The following DOCK3 variants were observed in gnomAD, a reference collection of about 807,000 sequenced individuals.
DOCK3 encodes dedicator of cytokinesis protein 3.
Under a neutral mutation model 265.6 loss-of-function variants are expected in DOCK3, and 60 were observed. The ratio of observed to expected loss-of-function variants is 0.23; its 90% CI spans 0.18 to 0.28. DOCK3 has a LOEUF of 0.28. Among genes scored for constraint, DOCK3 ranks in the 10% least tolerant of loss-of-function variants. DOCK3 has a pLI of 1.00. For synonymous variants in DOCK3, 881 were observed against 938.0 expected, an observed-to-expected ratio of 0.94 and a Z score of 1.11; for missense variants, 1,981 against 2,594.3, an observed-to-expected ratio of 0.76 and a Z score of 5.14.
At chr3:50,954,194 A>G (rs1250215178) in intron 5 of DOCK3, among the ~76,000 whole-genome samples, 1 of 152,174 alleles carries the variant, frequency 6.6e-6, no homozygotes, top group African/African-American at 2.4e-5. Context: ...TTATATGAGT[A>G]GAACCATATG....
chr3:50,849,391 C>T (rs955306931), intron 3 of DOCK3, among the ~76,000 whole-genome samples: 3 of 150,392 alleles, frequency 2.0e-5, no homozygotes, highest in Non-Finnish European at 3.0e-5. Flanking sequence ...CACATATATA[C>T]ACACACACAC....
At chr3:50,829,200 T>C (rs1016922274) in intron 2 of DOCK3, among the ~76,000 whole-genome samples, 2 of 152,232 alleles carry the variant, frequency 1.3e-5, no homozygotes, top group Non-Finnish European at 2.9e-5. Context: ...TTTTGAATGA[T>C]ATTTTTCCTC....
chr3:50,719,845 C>T (rs375077694), intron 1 of DOCK3: 1 of 728,282 alleles, frequency 1.4e-6, no homozygotes, highest in Non-Finnish European at 2.5e-6. Context: ...TAACCAAATG[C>T]ATTCTTTCCA....
intron 4 of DOCK3, among the ~76,000 whole-genome samples, chr3:50,912,872 A>C (rs2049932737): frequency 6.6e-6 from 1 of 152,100 alleles, no homozygotes; most frequent in Admixed American, 6.5e-5. Context: ...GACCCAGGAC[A>C]GCTCCAGAAA....
intron 6 of DOCK3, among the ~76,000 whole-genome samples, chr3:51,066,077 A>T (rs1398144077): frequency 6.6e-6 from 1 of 152,218 alleles, no homozygotes; most frequent in Non-Finnish European, 1.5e-5. Context: ...AAAATAAAAT[A>T]CTCAGAGAAG....
chr3:50,733,143 T>A (rs1308873437), intron 1 of DOCK3, among the ~76,000 whole-genome samples: 2 of 152,196 alleles, frequency 1.3e-5, no homozygotes, highest in Admixed American at 1.3e-4. Context: ...CCTAGAGTAG[T>A]TAATATATGG....
At chr3:50,682,142 C>T (rs1455035096) in intron 1 of DOCK3, among the ~76,000 whole-genome samples, 1 of 152,160 alleles carries the variant, frequency 6.6e-6, no homozygotes, top group East Asian at 1.9e-4. Flanking sequence ...GTTTAAGGCC[C>T]CAGAGCTAAG....
chr3:51,277,572 G>T (rs1298744544), intron 25 of DOCK3, 36 bp from the exon 26 acceptor site: 35 of 1,496,480 alleles, frequency 2.3e-5, no homozygotes, highest in Non-Finnish European at 3.1e-5. Context: ...AGCCTGGCTT[G>T]CTGCTAATGG....
At chr3:51,194,888 G>A (rs1252197071) in intron 12 of DOCK3, among the ~76,000 whole-genome samples, 1 of 147,128 alleles carries the variant, frequency 6.8e-6, no homozygotes, top group Admixed American at 6.9e-5. Context: ...GCAGTGATGC[G>A]ATATCGGTTC....
At chr3:51,013,535 C>G (rs1287215383) in intron 5 of DOCK3, among the ~76,000 whole-genome samples, 2 of 152,178 alleles carry the variant, frequency 1.3e-5, no homozygotes, top group African/African-American at 2.4e-5. Flanking sequence ...GATCATTCCT[C>G]TGGAAGCTTT....
intron 2 of DOCK3, among the ~76,000 whole-genome samples, chr3:50,813,132 T>C (rs2043865192): frequency 6.6e-6 from 1 of 152,222 alleles, no homozygotes; most frequent in Non-Finnish European, 1.5e-5. Flanking sequence ...AAATTGGTAA[T>C]GTCTTAAATG....
At chr3:50,911,888 A>G (rs932914872) in intron 4 of DOCK3, among the ~76,000 whole-genome samples, 1 of 151,912 alleles carries the variant, frequency 6.6e-6, no homozygotes, top group African/African-American at 2.4e-5. Context: ...ATCTTTCACT[A>G]CCTTGTTTAA....
At chr3:51,308,119 T>G (rs1375739955) in intron 27 of DOCK3, among the ~76,000 whole-genome samples, 3 of 152,160 alleles carry the variant, frequency 2.0e-5, no homozygotes, top group African/African-American at 7.2e-5. Flanking sequence ...CTTTCATGAT[T>G]CTACAGCAGC....
intron 2 of DOCK3, among the ~76,000 whole-genome samples, chr3:50,794,735 GTTA>G (rs1405945186): frequency 2.0e-5 from 3 of 152,122 alleles, no homozygotes; most frequent in Non-Finnish European, 4.4e-5. Flanking sequence ...TACATTCAGG[GTTA>G]TTATTGATAT....
chr3:51,312,994 G>A (rs2083174265), intron 31 of DOCK3, 92 bp downstream of exon 31: 5 of 1,190,594 alleles, frequency 4.2e-6, no homozygotes, highest in Non-Finnish European at 6.1e-6. Flanking sequence ...CTTTATGAAT[G>A]TTAATTCAGG....
In DOCK3 at chr3:50,933,846, T is replaced by A. The variant is rs563511558; in HGVS notation, c.219-135T>A. The A allele has an allele frequency of 9.6e-5, 53 of 551,556 alleles. No individual in the cohort carries two copies. The East Asian group carries it at 1.4e-3, about 14-fold the overall frequency. The allele number at this position is 551,556 out of a possible 1,614,324, so 34.2% of individuals were successfully genotyped here. On this transcript the variant is annotated intron_variant, in intron 4 of 52. Coordinates refer to ENST00000266037, the MANE Select transcript of DOCK3 (RefSeq NM_004947.5). ...CAGTATATCATTATAAAAAGGTCTT[T>A]GATCAATTAGATATACTTCTTTTTT...
chr3:51,020,882 T>A (rs767260486), intron 5 of DOCK3, among the ~76,000 whole-genome samples: 1 of 151,912 alleles, frequency 6.6e-6, no homozygotes, highest in Non-Finnish European at 1.5e-5. Flanking sequence ...CCCTGTAGTA[T>A]AATTTGAAGT....
intron 12 of DOCK3, among the ~76,000 whole-genome samples, chr3:51,190,324 T>G (rs532757442): frequency 4.4e-4 from 67 of 152,282 alleles, no homozygotes; most frequent in African/African-American, 1.6e-3. Context: ...TCCAGTGATA[T>G]GACCTGTCCT....
intron 1 of DOCK3, among the ~76,000 whole-genome samples, chr3:50,702,161 T>C (rs901479964): frequency 5.9e-5 from 9 of 152,176 alleles, no homozygotes; most frequent in Admixed American, 2.0e-4. Context: ...TTGGGTAGTA[T>C]GGTCATTTTA....
Sources: gnomAD v4.1 joint callset for allele counts (sites outside exome capture counted in the v4.1 genomes callset) on GRCh38, gnomAD v4.1.1 for gene constraint, MANE v1.5 for transcripts, NCBI Gene and HGNC (gene_info 2026-07-23, HGNC 2026-07-21) for gene names.